The following OR3A2 variants were observed in gnomAD, a reference collection of about 807,000 sequenced individuals.
OR3A2 encodes the protein olfactory receptor family 3 subfamily A member 2, also known as olfactory receptor 3A2.
For synonymous variants in OR3A2, 126 were observed against 159.3 expected, an observed-to-expected ratio of 0.79 and a Z score of 1.57; for missense variants, 318 against 392.8, an observed-to-expected ratio of 0.81 and a Z score of 1.61.
rs575005899 is a variant in OR3A2 at position 3,349,309 on chromosome 17, T to A, written c.-178-13183A>T. ...CCCATCTCACGGGCAGAGACACACA[T>A]AGACTCAAAATAAAAGGATGGAGGA... On this transcript the variant is annotated intron_variant, in intron 2 of 4. Coordinates refer to the OR3A2 transcript ENST00000573491. 2.0e-5 allele frequency among the ~76,000 whole-genome samples: 3 copies of A among 151,928 alleles called. No individual in the cohort carries two copies. In the South Asian group the frequency reaches 6.2e-4, roughly 32 times the overall value.
intron 2 of OR3A2, among the ~76,000 whole-genome samples, chr17:3,370,770 G>GCGGCCTTC (rs561949567): frequency 5.2e-4 from 78 of 150,894 alleles, no homozygotes; most frequent in Non-Finnish European, 9.4e-4. Context: ...AGAGGACCCT[G>GCGGCCTTC]CGGCCTTCCG....
intron 3 of OR3A2, among the ~76,000 whole-genome samples, chr17:3,324,496 AC>A (rs2049153657): frequency 6.6e-6 from 1 of 151,618 alleles, no homozygotes; most frequent in African/African-American, 2.4e-5. Flanking sequence ...GGTTTAATCT[AC>A]CTTTGGTCTT....
rs1225511469 is a variant in OR3A2 at position 3,310,448 on chromosome 17, C to T, written c.-85+25585G>A. The T allele has an allele frequency of 5.6e-6, 3 of 535,642 alleles. No homozygotes were observed. In the Admixed American group the frequency reaches 5.8e-5, roughly 10 times the overall value. 33.2% of individuals were successfully genotyped at this position (535,642 alleles called of 1,614,324 possible). On this transcript the variant is annotated intron_variant, in intron 3 of 4. Coordinates refer to the OR3A2 transcript ENST00000573491. ...ACGTCACTACCATTGGAGGCACCCT[C>T]AGCATCCTGGCGGCCATCCTTATGG...
At chr17:3,321,892 C>T (rs1296607821) in intron 3 of OR3A2, among the ~76,000 whole-genome samples, 2 of 152,132 alleles carry the variant, frequency 1.3e-5, no homozygotes, top group Non-Finnish European at 1.5e-5. Flanking sequence ...ATGCTGGCCT[C>T]ATCAAATGAA....
chr17:3,373,086 C>T (rs183457702), intron 2 of OR3A2, among the ~76,000 whole-genome samples: 6 of 152,200 alleles, frequency 3.9e-5, no homozygotes, highest in Non-Finnish European at 7.4e-5. Flanking sequence ...ATATAATTTC[C>T]ATGCGTGTGT....
At chr17:3,339,395 G>C (rs1229449119) in intron 2 of OR3A2, among the ~76,000 whole-genome samples, 1 of 152,158 alleles carries the variant, frequency 6.6e-6, no homozygotes, top group African/African-American at 2.4e-5. Flanking sequence ...GAATGATACT[G>C]GCTGTGGGTT....
chr17:3,306,723 A>T (rs2049003490), intron 3 of OR3A2, among the ~76,000 whole-genome samples: 1 of 149,522 alleles, frequency 6.7e-6, no homozygotes, highest in African/African-American at 2.5e-5. Context: ...TTCTCCACTT[A>T]AAATCAAATA....
rs2049337254 is a variant in OR3A2 at position 3,343,428 on chromosome 17, T to C, written c.-178-7302A>G. Among the ~76,000 whole-genome samples the C allele has an allele frequency of 2.0e-5, 3 of 152,160 alleles. No individual in the cohort carries two copies. The South Asian group carries it at 6.2e-4, about 31-fold the overall frequency. On this transcript the variant is annotated intron_variant, in intron 2 of 4. Transcript: ENST00000573491. ...ATATGAAATTCTAATGCAAACACAA[T>C]AAGAAATTGACTCACTGGCCAACAT...
At chr17:3,353,374 G>A (rs1469248013) in intron 2 of OR3A2, among the ~76,000 whole-genome samples, 1 of 151,772 alleles carries the variant, frequency 6.6e-6, no homozygotes, top group African/African-American at 2.4e-5. Context: ...AACTGTTCTA[G>A]CTAGGACTTC....
chr17:3,370,481 G>A (rs1483801125), intron 2 of OR3A2, among the ~76,000 whole-genome samples: 2 of 151,920 alleles, frequency 1.3e-5, no homozygotes, highest in Non-Finnish European at 2.9e-5. Flanking sequence ...CCAGCTTTTT[G>A]TTTCATTTAT....
At chr17:3,344,984 T>A (rs778527037) in intron 2 of OR3A2, among the ~76,000 whole-genome samples, 26 of 152,192 alleles carry the variant, frequency 1.7e-4, no homozygotes, top group Non-Finnish European at 4.4e-5. Flanking sequence ...ACTGCTTTTC[T>A]CTGTGTTGGC....
At position 3,297,382 on chromosome 17, in the gene OR3A2, T is replaced by C. The variant is rs113324834; in HGVS notation, c.-84-18229A>G. On this transcript the variant is annotated intron_variant, in intron 3 of 4. Coordinates refer to the OR3A2 transcript ENST00000573491. ...ATCCACTTTAACTCAGGTTGTAAGG[T>C]TTTACACCCTTTGATTCTGTATCTT... Among the ~76,000 whole-genome samples the C allele has an allele frequency of 2.5e-3, 380 of 152,310 alleles. 2 individuals are homozygous for C. The highest frequency in any genetic ancestry group is 8.4e-3 in the African/African-American group (349 of 41,572).
chr17:3,334,299 C>A (rs898337008), intron 3 of OR3A2, among the ~76,000 whole-genome samples: 2 of 152,178 alleles, frequency 1.3e-5, no homozygotes, highest in Non-Finnish European at 2.9e-5. Flanking sequence ...TCATCCCCTG[C>A]CTTCCACCTA....
chr17:3,349,772 A>G (rs1204686227), intron 2 of OR3A2, among the ~76,000 whole-genome samples: 1 of 151,808 alleles, frequency 6.6e-6, no homozygotes, highest in African/African-American at 2.4e-5. Context: ...AATTGACCAC[A>G]TACTTGGAAG....
chr17:3,381,039 T>G (rs1017102892), intron 2 of OR3A2, among the ~76,000 whole-genome samples: 1 of 152,118 alleles, frequency 6.6e-6, no homozygotes. Flanking sequence ...CATATATGAT[T>G]TATGTTTTTC....
chr17:3,300,553 G>A (rs1057326234), intron 3 of OR3A2, among the ~76,000 whole-genome samples: 5 of 151,628 alleles, frequency 3.3e-5, no homozygotes, highest in Non-Finnish European at 4.4e-5. Flanking sequence ...AGTGAGAATC[G>A]GTCTCAAAAT....
intron 3 of OR3A2, among the ~76,000 whole-genome samples, chr17:3,331,941 C>A (rs1464999242): frequency 1.3e-5 from 2 of 151,684 alleles, no homozygotes; most frequent in Non-Finnish European, 2.9e-5. Context: ...ACAGACAGGA[C>A]CCTCAGCTGC....
At chr17:3,315,935 T>A (rs1356116351) in intron 3 of OR3A2, among the ~76,000 whole-genome samples, 1 of 152,126 alleles carries the variant, frequency 6.6e-6, no homozygotes, top group Non-Finnish European at 1.5e-5. Flanking sequence ...TCCATCTCTC[T>A]TCATCTAAGT....
In OR3A2 at chr17:3,326,642, T is replaced by C. The variant is rs190931879; in HGVS notation, c.-85+9391A>G. Among the ~76,000 whole-genome samples the C allele has an allele frequency of 8.3e-3, 1,243 of 150,560 alleles. 12 individuals carry two copies. Among genetic ancestry groups the C allele is most frequent in the Non-Finnish European group, 0.012 (815 of 67,764 alleles). On this transcript the variant is annotated intron_variant, in intron 3 of 4. Transcript: ENST00000573491. ...TATGTATACATGTGCCATGCTGGTGTGCTGCACCCACTAACTCGTCATCTA... is the reference window on the plus strand; with the variant it reads ...TATGTATACATGTGCCATGCTGGTGCGCTGCACCCACTAACTCGTCATCTA...
Sources: allele counts gnomAD v4.1 joint callset (sites outside exome capture counted in the v4.1 genomes callset), GRCh38; gene constraint gnomAD v4.1.1; transcripts MANE v1.5; gene names NCBI Gene and HGNC (gene_info 2026-07-23, HGNC 2026-07-21).